The following FRY variants were observed in gnomAD, a reference collection of about 807,000 sequenced individuals.
FRY encodes protein furry homolog.
Under a neutral mutation model 348.4 loss-of-function variants are expected in FRY, and 128 were observed. That is an observed-to-expected ratio of 0.37 (90% CI 0.32 to 0.43). The LOEUF (loss-of-function observed/expected upper bound fraction) is 0.43, where lower values mean the gene tolerates loss of function less well. Among genes scored for constraint, FRY ranks in the 20% least tolerant of loss-of-function variants. FRY has a pLI of 1.00. For missense variants in FRY, 2,736 were observed against 3,695.2 expected, an observed-to-expected ratio of 0.74 and a Z score of 6.73; for synonymous variants, 1,370 against 1,374.7, an observed-to-expected ratio of 1.00 and a Z score of 0.08.
intron 5 of FRY, 112 bp from the exon 6 acceptor site, chr13:32,124,490 A>G (rs1249685770): frequency 8.1e-6 from 7 of 865,582 alleles, no homozygotes; most frequent in African/African-American, 6.7e-5. Context: ...ACTGGGTTAT[A>G]TGACTTATGT....
intron 58 of FRY, chr13:32,287,912 G>T (rs763859421): frequency 1.2e-4 from 147 of 1,274,906 alleles, no homozygotes; most frequent in Non-Finnish European, 1.5e-4. Context: ...CATACTCTTT[G>T]TCCATTTAGG....
chr13:32,290,818 G>C (rs1405214790), intron 59 of FRY, among the ~76,000 whole-genome samples: 5 of 151,990 alleles, frequency 3.3e-5, no homozygotes, highest in Admixed American at 3.3e-4. Context: ...TGAAACTAAT[G>C]GGGGGATGAA....
intron 1 of FRY, among the ~76,000 whole-genome samples, chr13:32,047,233 ATTAATGCTTGTCTAAATCCCTCTGTAAG>A (rs1410815936): frequency 1.3e-5 from 2 of 152,230 alleles, no homozygotes; most frequent in Non-Finnish European, 2.9e-5. Flanking sequence ...AATTTGCCTA[ATTAATGCTTGTCTAAATCCCTCTGTAAG>A]TTAATGGTTT....
intron 13 of FRY, 120 bp downstream of exon 13, chr13:32,148,067 G>T (rs1169385205): frequency 1.4e-6 from 1 of 716,874 alleles, no homozygotes; most frequent in African/African-American, 1.7e-5. Context: ...TTAGACTTCT[G>T]TGAAAGATTT....
chr13:32,124,939 A>G (rs1031057761), intron 7 of FRY, 64 bp downstream of exon 7: 14 of 1,203,846 alleles, frequency 1.2e-5, no homozygotes, highest in African/African-American at 3.0e-5. Context: ...TTCCAGCCCT[A>G]ATTTAGGGAA....
intron 1 of FRY, among the ~76,000 whole-genome samples, chr13:32,044,673 C>G (rs1016212935): frequency 4.6e-5 from 7 of 152,210 alleles, no homozygotes; most frequent in African/African-American, 1.7e-4. Flanking sequence ...GAGCCAGATG[C>G]TTGCTTGCTT....
At chr13:32,075,104 G>T (rs1874954168) in intron 1 of FRY, among the ~76,000 whole-genome samples, 1 of 152,148 alleles carries the variant, frequency 6.6e-6, no homozygotes, top group African/African-American at 2.4e-5. Context: ...ATAAATTTCA[G>T]TTAAAAATCA....
At chr13:32,271,312 C>G (rs1416335874) in intron 55 of FRY, among the ~76,000 whole-genome samples, 1 of 152,178 alleles carries the variant, frequency 6.6e-6, no homozygotes, top group Non-Finnish European at 1.5e-5. Flanking sequence ...TCAGTGTCCT[C>G]CATCATACAA....
intron 15 of FRY, 62 bp downstream of exon 15, chr13:32,155,724 T>C: frequency 8.6e-7 from 1 of 1,160,662 alleles, no homozygotes. Flanking sequence ...CCAGTAGATA[T>C]TTATCTTTAG....
intron 2 of FRY, among the ~76,000 whole-genome samples, chr13:32,088,193 G>T (rs566873152): frequency 6.6e-6 from 1 of 152,144 alleles, no homozygotes; most frequent in African/African-American, 2.4e-5. Flanking sequence ...AGAGGCTGCT[G>T]TTGCTTCAAC....
At position 32,116,031 on chromosome 13, in the gene FRY, C is replaced by G. The variant is rs544154138; in HGVS notation, c.325-1303C>G. ...TTAATGGTTTCAAAAATAGTCCACA[C>G]CAAATTCCACATCTTATTAAGCATT... On this transcript the variant is annotated intron_variant, in intron 3 of 60. Coordinates refer to ENST00000542859, the MANE Select transcript of FRY (RefSeq NM_023037.3). 4.6e-5 allele frequency among the ~76,000 whole-genome samples: 7 copies of G among 152,168 alleles called. No individual in the cohort carries two copies. The South Asian group carries it at 1.5e-3, about 32-fold the overall frequency.
intron 2 of FRY, among the ~76,000 whole-genome samples, chr13:32,082,355 ATATT>A (rs1875555744): frequency 6.6e-6 from 1 of 152,116 alleles, no homozygotes; most frequent in African/African-American, 2.4e-5. Context: ...ATATTCATGA[ATATT>A]TATGGATAAG....
chr13:32,280,837 C>T (rs1180952774), intron 58 of FRY, among the ~76,000 whole-genome samples: 1 of 152,164 alleles, frequency 6.6e-6, no homozygotes, highest in Non-Finnish European at 1.5e-5. Context: ...ACCAGAAATT[C>T]CAGTTAACTT....
At chr13:32,251,029 A>T (rs1887052370) in intron 49 of FRY, among the ~76,000 whole-genome samples, 1 of 152,206 alleles carries the variant, frequency 6.6e-6, no homozygotes, top group South Asian at 2.1e-4. Flanking sequence ...GGAAAGAAGG[A>T]TGCAGTGAAT....
intron 1 of FRY, among the ~76,000 whole-genome samples, chr13:32,056,202 A>AG (rs1873614575): frequency 6.6e-6 from 1 of 151,580 alleles, no homozygotes. Flanking sequence ...AAAAAAAAAA[A>AG]AAAAGGAATA....
At chr13:32,079,064 G>C in intron 2 of FRY, 31 bp downstream of exon 2, 1 of 1,429,504 alleles carries the variant, frequency 7.0e-7, no homozygotes. Context: ...CTGCCTCTTT[G>C]AAAATTCATC....
intron 58 of FRY, among the ~76,000 whole-genome samples, chr13:32,279,415 T>C (rs1173559924): frequency 1.3e-5 from 2 of 152,186 alleles, no homozygotes; most frequent in East Asian, 1.9e-4. Context: ...CCGAAAGCCC[T>C]GTGGAGAAAA....
At chr13:32,054,191 G>A (rs1266929363) in intron 1 of FRY, among the ~76,000 whole-genome samples, 2 of 151,046 alleles carry the variant, frequency 1.3e-5, no homozygotes, top group African/African-American at 4.8e-5. Context: ...TTAACAGGAT[G>A]TCATCTTGAA....
intron 1 of FRY, among the ~76,000 whole-genome samples, chr13:32,049,320 C>A (rs1873194735): frequency 6.6e-6 from 1 of 152,126 alleles, no homozygotes; most frequent in Non-Finnish European, 1.5e-5. Context: ...TCCCAAGTTC[C>A]CTGAAGGAGT....
Sources: allele counts gnomAD v4.1 joint callset (sites outside exome capture counted in the v4.1 genomes callset), GRCh38; gene constraint gnomAD v4.1.1; transcripts MANE v1.5; gene names NCBI Gene and HGNC (gene_info 2026-07-23, HGNC 2026-07-21).